The following CSMD3 variants were observed in gnomAD, a reference collection of about 807,000 sequenced individuals.
The protein encoded by CSMD3 is CUB and Sushi multiple domains 3.
A neutral mutation model predicts 435.2 loss-of-function variants in CSMD3; 177 were observed. The observed-to-expected ratio is 0.41, with a 90% confidence interval of 0.36 to 0.46. The LOEUF (loss-of-function observed/expected upper bound fraction) is 0.46. CSMD3 is among the 20% of genes least tolerant of loss of function. The probability of loss-of-function intolerance (pLI) is 0.34; values close to 1 mark genes in which losing one functional copy is unlikely to be tolerated. For synonymous variants in CSMD3, 1,656 were observed against 1,520.5 expected (o/e 1.09, Z -2.07); for missense variants, 4,265 against 4,504.6 (o/e 0.95, Z 1.52).
intron 2 of CSMD3, among the ~76,000 whole-genome samples, chr8:113,303,098 G>A (rs1360111509): frequency 1.4e-5 from 2 of 140,726 alleles, no homozygotes; most frequent in Non-Finnish European, 3.0e-5. Context: ...AAAATCACAA[G>A]CATTCTTATA....
At chr8:112,931,072 G>A (rs2083091863) in intron 9 of CSMD3, among the ~76,000 whole-genome samples, 1 of 151,842 alleles carries the variant, frequency 6.6e-6, no homozygotes, top group Admixed American at 6.6e-5. Context: ...CTTTAGATGA[G>A]TTACAGCTGT....
intron 4 of CSMD3, among the ~76,000 whole-genome samples, chr8:113,167,035 T>C (rs1273293200): frequency 2.0e-5 from 3 of 152,090 alleles, no homozygotes; most frequent in African/African-American, 7.2e-5. Flanking sequence ...ATATATAGGT[T>C]AAGGTTTTAT....
At chr8:112,315,054 A>C (rs1403911545) in intron 47 of CSMD3, among the ~76,000 whole-genome samples, 1 of 151,824 alleles carries the variant, frequency 6.6e-6, no homozygotes, top group South Asian at 2.1e-4. Context: ...GGGGTCAGAT[A>C]GAAAACTGTC....
At chr8:112,441,807 C>T (rs1286811839) in intron 32 of CSMD3, among the ~76,000 whole-genome samples, 1 of 152,116 alleles carries the variant, frequency 6.6e-6, no homozygotes, top group African/African-American at 2.4e-5. Context: ...AGGGGGACCC[C>T]CCACCACCCA....
chr8:113,048,868 T>C (rs2087957025), intron 5 of CSMD3, among the ~76,000 whole-genome samples: 1 of 152,156 alleles, frequency 6.6e-6, no homozygotes, highest in African/African-American at 2.4e-5. Context: ...ACCCTACAAG[T>C]CTGAATATTT....
intron 27 of CSMD3, among the ~76,000 whole-genome samples, chr8:112,535,747 T>C (rs1337982459): frequency 2.6e-5 from 4 of 151,884 alleles, no homozygotes; most frequent in Admixed American, 6.6e-5. Flanking sequence ...AAGCTGGAGG[T>C]ATCATGCTAC....
At chr8:113,080,534 A>T (rs1259349834) in intron 5 of CSMD3, among the ~76,000 whole-genome samples, 1 of 152,204 alleles carries the variant, frequency 6.6e-6, no homozygotes, top group East Asian at 1.9e-4. Flanking sequence ...TATCTCCCTA[A>T]TGCAATATGA....
intron 38 of CSMD3, among the ~76,000 whole-genome samples, chr8:112,376,038 G>A (rs970127085): frequency 2.8e-4 from 43 of 152,086 alleles, no homozygotes; most frequent in African/African-American, 9.2e-4. Context: ...TATCCACCCC[G>A]TCTTGCTTAA....
intron 26 of CSMD3, 103 bp from the exon 27 acceptor site, chr8:112,550,976 T>C (rs1420836431): frequency 1.3e-6 from 1 of 774,924 alleles, no homozygotes; most frequent in Non-Finnish European, 2.3e-6. Flanking sequence ...TAGTTCTTTT[T>C]TGCTATGTGT....
chr8:112,322,292 T>A (rs17638176), intron 45 of CSMD3, among the ~76,000 whole-genome samples: 5,089 of 152,176 alleles, frequency 0.033, 104 homozygotes, highest in Non-Finnish European at 0.043. Context: ...AGTCACAGGA[T>A]TTAAAAGATC....
At chr8:113,193,281 T>C (rs1049308601) in intron 3 of CSMD3, among the ~76,000 whole-genome samples, 7 of 151,380 alleles carry the variant, frequency 4.6e-5, no homozygotes, top group African/African-American at 1.7e-4. Flanking sequence ...TTAGCTGAGG[T>C]AGAAAATGGG....
chr8:112,831,069 G>A (rs1333930729), intron 11 of CSMD3, among the ~76,000 whole-genome samples: 5 of 152,076 alleles, frequency 3.3e-5, no homozygotes, highest in Admixed American at 3.3e-4. Context: ...TTACAGGCGT[G>A]AGCCACTGGA....
chr8:112,353,216 C>T lies in CSMD3; in HGVS notation c.6137-682G>A, dbSNP rs143066287. ...GACCAGCCTGGCCACCGTGGTCAAA[C>T]CCCGTCTCTACTAAAAATACAAAAA... On this transcript the variant is annotated intron_variant, in intron 38 of 70. Transcript: ENST00000297405. 4.1e-3 allele frequency among the ~76,000 whole-genome samples: 625 copies of T among 152,100 alleles called. 6 individuals carry two copies. Among genetic ancestry groups the T allele is most frequent in the African/African-American group, 0.014 (588 of 41,496 alleles).
chr8:112,999,189 T>C (rs2131060080), intron 6 of CSMD3, among the ~76,000 whole-genome samples: 1 of 150,964 alleles, frequency 6.6e-6, no homozygotes, highest in South Asian at 2.1e-4. Context: ...TGAATAGCAC[T>C]ATGAAAAAAA....
intron 42 of CSMD3, among the ~76,000 whole-genome samples, chr8:112,339,648 A>G (rs1000803559): frequency 1.3e-5 from 2 of 152,118 alleles, no homozygotes; most frequent in Non-Finnish European, 2.9e-5. Flanking sequence ...AAACCTAATA[A>G]TCTTGTCAGT....
chr8:112,687,844 T>C (rs112891313), intron 14 of CSMD3, among the ~76,000 whole-genome samples: 1 of 152,146 alleles, frequency 6.6e-6, no homozygotes, highest in East Asian at 1.9e-4. Context: ...CTAGCTTATC[T>C]TGAAAAGTTA....
At chr8:113,044,000 C>T (rs981756853) in intron 5 of CSMD3, among the ~76,000 whole-genome samples, 26 of 152,008 alleles carry the variant, frequency 1.7e-4, no homozygotes, top group African/African-American at 5.8e-4. Flanking sequence ...TGAATTCACT[C>T]AGCCCTACCT....
chr8:113,143,400 A>G (rs2091596807), intron 4 of CSMD3, among the ~76,000 whole-genome samples: 1 of 151,444 alleles, frequency 6.6e-6, no homozygotes, highest in Admixed American at 6.6e-5. Context: ...GGCACTCTAG[A>G]AGACAGTTTG....
chr8:112,654,908 A>C (rs1168890744), intron 18 of CSMD3, among the ~76,000 whole-genome samples: 1 of 152,184 alleles, frequency 6.6e-6, no homozygotes, highest in African/African-American at 2.4e-5. Flanking sequence ...ATTTTTCTAA[A>C]TGACTAATTT....
Sources: gnomAD v4.1 joint callset for allele counts (sites outside exome capture counted in the v4.1 genomes callset) on GRCh38, gnomAD v4.1.1 for gene constraint, MANE v1.5 for transcripts, NCBI Gene and HGNC (gene_info 2026-07-23, HGNC 2026-07-21) for gene names.